EHF: variants seen among roughly 807,000 people sequenced by gnomAD.
EHF encodes the protein ESE3 transcription factor.
Under a neutral mutation model 45.1 loss-of-function variants are expected in EHF, and 14 were observed. That is an observed-to-expected ratio of 0.31 (90% CI 0.21 to 0.49). EHF has a LOEUF of 0.49. EHF is among the 20% of genes least tolerant of loss of function. The pLI, the probability that EHF is intolerant of heterozygous loss-of-function variation, is 0.99. For missense variants in EHF, 282 were observed against 371.4 expected, an observed-to-expected ratio of 0.76 and a Z score of 1.98; for synonymous variants, 136 against 131.8, an observed-to-expected ratio of 1.03 and a Z score of -0.22.
chr11:34,656,939 C>G lies in EHF; in HGVS notation c.576C>G (p.Asp192Glu). 6.2e-7 allele frequency: 1 copy of G among 1,613,484 alleles called. No individual in the cohort carries two copies. Among genetic ancestry groups the G allele is most frequent in the Non-Finnish European group, 8.5e-7 (1 of 1,179,712 alleles). ...CACCTGATATGAAAAAGGAGCAAGA[C>G]CCCCCTGCCAAGTGCCACACCAAAA... ...AESPDMKKEQ[D>E]PPAKCHTKKH... Residue 192 changes from aspartate to glutamate, a missense_variant, in exon 7 of 9, where the codon GAC becomes GAG. Physicochemically the swap from Asp to Glu is conservative, Grantham distance 45. Around this residue, in one of 3 missense-constraint regions of EHF, gnomAD observed 213 missense variants for 247.3 expected, o/e 0.86. Coordinates refer to ENST00000257831, the MANE Select transcript of EHF (RefSeq NM_012153.6).
chr11:34,657,008 C>G (rs1855735877), intron 7 of EHF, 38 bp downstream of exon 7: 2 of 1,610,642 alleles, frequency 1.2e-6, no homozygotes, highest in Admixed American at 1.7e-5. Context: ...TTGGTCCTTC[C>G]CATCACATCG....
Position 34,659,812 on chromosome 11 carries a change from A to C in EHF, c.*881A>C, listed in dbSNP as rs1855973965. On this transcript the variant is annotated 3_prime_UTR_variant, in exon 9 of 9. Transcript: ENST00000257831. ...TAGTCCAAGGTTTCTCAATCTGCAC[A>C]ATTGACATTTTTGGCCGGAGTGTTC... The C allele has an allele frequency of 6.6e-6, 1 of 152,174 alleles. No homozygotes were observed. Among genetic ancestry groups the C allele is most frequent in the Non-Finnish European group, 1.5e-5 (1 of 68,036 alleles). The allele number at this position is 152,174 out of a possible 1,614,324, so 9.4% of individuals were successfully genotyped here. A position where few individuals can be genotyped will look rare whatever the true frequency, so the allele number is the denominator to read the frequency against.
At chr11:34,657,137 C>T (rs1855748170) in intron 7 of EHF, among the ~76,000 whole-genome samples, 167 bp downstream of exon 7, 1 of 152,150 alleles carries the variant, frequency 6.6e-6, no homozygotes, top group Non-Finnish European at 1.5e-5. Context: ...GCAAAGTAAG[C>T]CCCCTCTGCA....
chr11:34,659,684 G>A lies in EHF; in HGVS notation c.*753G>A, dbSNP rs1806417167. 6.6e-6 allele frequency: 1 copy of A among 152,170 alleles called. No individual in the cohort carries two copies. Among genetic ancestry groups the A allele is most frequent in the Admixed American group, 6.6e-5 (1 of 15,256 alleles). 9.4% of individuals were successfully genotyped at this position (152,170 alleles called of 1,614,324 possible). ...TCTGCTCACTTCTAGCTATTTAAGA[G>A]AGAACCCAGCTTGGTTCTTTTTTGC... On this transcript the variant is annotated 3_prime_UTR_variant, in exon 9 of 9. Coordinates refer to ENST00000257831, the MANE Select transcript of EHF (RefSeq NM_012153.6).
intron 6 of EHF, among the ~76,000 whole-genome samples, chr11:34,653,810 A>G (rs537834249): frequency 6.6e-6 from 1 of 152,328 alleles, no homozygotes; most frequent in Admixed American, 6.5e-5. Flanking sequence ...GAATGCAGTG[A>G]AATATCTTTC....
intron 2 of EHF, among the ~76,000 whole-genome samples, chr11:34,645,877 A>G (rs1854459592): frequency 6.6e-6 from 1 of 152,216 alleles, no homozygotes; most frequent in South Asian, 2.1e-4. Context: ...TGACATCATG[A>G]TAGCTATAAT....
intron 3 of EHF, among the ~76,000 whole-genome samples, chr11:34,647,092 C>CCCCCCCCCCCCCCCAAA (rs1854637653): frequency 7.0e-6 from 1 of 142,240 alleles, no homozygotes; most frequent in African/African-American, 2.6e-5. Flanking sequence ...AAACCCCCCC[C>CCCCCCCCCCCCCCCAAA]ACACACACAC....
At chr11:34,647,876 A>C (rs996112891) in intron 3 of EHF, among the ~76,000 whole-genome samples, 1 of 152,238 alleles carries the variant, frequency 6.6e-6, no homozygotes, top group Non-Finnish European at 1.5e-5. Context: ...AATAACCCTC[A>C]GGGATCTTCA....
chr11:34,632,786 T>C, intron 1 of EHF: 1 of 1,064,252 alleles, frequency 9.4e-7, no homozygotes, highest in Non-Finnish European at 1.4e-6. Flanking sequence ...AGCCGTGTCC[T>C]TGTGAATAGT....
At chr11:34,637,454 G>A (rs530187185) in intron 1 of EHF, among the ~76,000 whole-genome samples, 43 of 152,302 alleles carry the variant, frequency 2.8e-4, no homozygotes, top group South Asian at 1.5e-3. Flanking sequence ...AGTGAGATGC[G>A]GAGGCTGGCC....
chr11:34,648,265 G>A (rs1208214325), intron 3 of EHF, among the ~76,000 whole-genome samples: 1 of 152,112 alleles, frequency 6.6e-6, no homozygotes, highest in South Asian at 2.1e-4. Context: ...ATGTCAGAGA[G>A]GTTAAAGGCA....
intron 4 of EHF, among the ~76,000 whole-genome samples, chr11:34,651,306 C>G (rs1307798011): frequency 6.6e-6 from 1 of 152,102 alleles, no homozygotes; most frequent in Non-Finnish European, 1.5e-5. Context: ...TCTCACTTCC[C>G]TAAAAATGCA....
intron 1 of EHF, among the ~76,000 whole-genome samples, chr11:34,634,009 G>A (rs1053878852): frequency 6.6e-6 from 1 of 152,170 alleles, no homozygotes; most frequent in African/African-American, 2.4e-5. Context: ...TACCTCAGAT[G>A]TTGCCCCTGG....
chr11:34,631,803 T>A (rs1590424009), intron 1 of EHF, among the ~76,000 whole-genome samples: 2 of 152,174 alleles, frequency 1.3e-5, no homozygotes, highest in East Asian at 3.8e-4. Flanking sequence ...CTACACCTAC[T>A]CCCTAAACTG....
chr11:34,658,063 C>G (rs536803590), intron 7 of EHF, among the ~76,000 whole-genome samples: 1 of 152,074 alleles, frequency 6.6e-6, no homozygotes, highest in Non-Finnish European at 1.5e-5. Flanking sequence ...CATTCTAGAC[C>G]CTTACTGATT....
At chr11:34,635,436 T>A (rs1853289374) in intron 1 of EHF, among the ~76,000 whole-genome samples, 1 of 140,982 alleles carries the variant, frequency 7.1e-6, no homozygotes, top group East Asian at 2.1e-4. Context: ...CTAGCCCCAA[T>A]CCGAAACCTT....
At chr11:34,652,663 A>G (rs553692787) in intron 6 of EHF, among the ~76,000 whole-genome samples, 1 of 152,326 alleles carries the variant, frequency 6.6e-6, no homozygotes, top group South Asian at 2.1e-4. Flanking sequence ...CTGGAATTAA[A>G]TTTGGAGCAA....
At chr11:34,632,698 C>T (rs1267270319) in intron 1 of EHF, 1 of 1,526,732 alleles carries the variant, frequency 6.5e-7, no homozygotes. Flanking sequence ...GCTCTCTCTG[C>T]TCTTGCCCCA....
intron 1 of EHF, among the ~76,000 whole-genome samples, chr11:34,640,690 G>A (rs1853910429): frequency 6.6e-6 from 1 of 152,210 alleles, no homozygotes; most frequent in South Asian, 2.1e-4. Flanking sequence ...AGGAAAGAAG[G>A]TTTGACTTGA....
Sources: allele counts gnomAD v4.1 joint callset (sites outside exome capture counted in the v4.1 genomes callset), GRCh38; gene constraint gnomAD v4.1.1; regional missense constraint gnomAD v4.1.1; transcripts MANE v1.5; gene names NCBI Gene and HGNC (gene_info 2026-07-23, HGNC 2026-07-21).